Variants in ING3 observed in about 807,000 individuals in gnomAD.
ING3 encodes inhibitor of growth family member 3, also known as inhibitor of growth protein 3.
ING3 carries 6 observed loss-of-function variants against 64.8 expected under a neutral mutation model. The ratio of observed to expected loss-of-function variants is 0.09; its 90% CI spans 0.05 to 0.18. The LOEUF is 0.18. ING3 is among the 10% of genes least tolerant of loss of function. ING3 has a pLI of 1.00. For synonymous variants in ING3, 170 were observed against 173.7 expected (o/e 0.98, Z 0.17); for missense variants, 310 against 489.7 (o/e 0.63, Z 3.46).
At chr7:120,967,197 A>C (rs948696375) in intron 6 of ING3, among the ~76,000 whole-genome samples, 2 of 152,232 alleles carry the variant, frequency 1.3e-5, no homozygotes, top group African/African-American at 4.8e-5. Context: ...ATATCAGTAC[A>C]TCTTTTGACA....
At chr7:120,953,506 T>TTC (rs1407129648) in intron 3 of ING3, 102 bp downstream of exon 3, 1 of 688,574 alleles carries the variant, frequency 1.5e-6, no homozygotes, top group East Asian at 2.8e-5. Flanking sequence ...TGAGAGAATA[T>TTC]TATCAATGAC....
intron 8 of ING3, 141 bp downstream of exon 8, chr7:120,968,232 T>TA: frequency 1.3e-6 from 1 of 789,796 alleles, no homozygotes; most frequent in South Asian, 2.0e-5. Flanking sequence ...CGATATGTGA[T>TA]ATTTTATTTA....
chr7:120,972,977 T>C (rs1414809392), intron 10 of ING3, among the ~76,000 whole-genome samples: 2 of 152,178 alleles, frequency 1.3e-5, no homozygotes, highest in Non-Finnish European at 2.9e-5. Context: ...TGTCAAGTTC[T>C]TCCAGACTTC....
Position 120,950,820 on chromosome 7 carries a change from G to C in ING3, c.-77G>C. ...TGCTAGCGGAGGCGCCATATTGGAG[G>C]GGACAAAACTCCGGCGACAGCGAGT... is the stretch of plus-strand genomic sequence containing the variant. On this transcript the variant is annotated 5_prime_UTR_variant, in exon 1 of 12. Transcript: ENST00000315870. The C allele has an allele frequency of 6.7e-7, 1 of 1,489,874 alleles. No individual in the cohort carries two copies. Among genetic ancestry groups the C allele is most frequent in the East Asian group, 2.3e-5 (1 of 43,300 alleles). The allele number at this position is 1,489,874 out of a possible 1,614,324, so 92.3% of individuals were successfully genotyped here. A position where few individuals can be genotyped will look rare whatever the true frequency, so the allele number is the denominator to read the frequency against.
Position 120,975,087 on chromosome 7 carries a change from C to T in ING3, c.*243C>T, listed in dbSNP as rs1796117759. On this transcript the variant is annotated 3_prime_UTR_variant, in exon 12 of 12. Transcript: ENST00000315870. ...TATTCCAGTTAGCCTTGGATTATTT[C>T]AGTGGCCAACATATGCAGACATTTG... 4.1e-6 allele frequency: 1 copy of T among 243,544 alleles called. No homozygotes were observed. The highest frequency in any genetic ancestry group is 5.2e-5 in the Admixed American group (1 of 19,072). The allele number at this position is 243,544 out of a possible 1,614,324, so 15.1% of individuals were successfully genotyped here.
intron 4 of ING3, among the ~76,000 whole-genome samples, chr7:120,957,728 A>G (rs1490911109): frequency 2.0e-5 from 3 of 152,224 alleles, no homozygotes; most frequent in East Asian, 1.9e-4. Context: ...ATAGATTCCA[A>G]GGCTAAAGAG....
Position 120,976,045 on chromosome 7 carries a change from T to C in ING3, c.*1201T>C, listed in dbSNP as rs896866661. On this transcript the variant is annotated 3_prime_UTR_variant, in exon 12 of 12. Coordinates refer to ENST00000315870, the MANE Select transcript of ING3 (RefSeq NM_019071.3). Reference sequence around the variant, plus strand: ...TTTTTGATTCTACCACTTACTGATATGACAGTTAATTCAAATTTTGTATCA... The same window carrying C: ...TTTTTGATTCTACCACTTACTGATACGACAGTTAATTCAAATTTTGTATCA... 2 of 152,286 alleles carry C rather than the reference T, an allele frequency of 1.3e-5. No homozygotes were observed. Among genetic ancestry groups the C allele is most frequent in the East Asian group, 3.9e-4 (2 of 5,190 alleles). 9.4% of individuals were successfully genotyped at this position (152,286 alleles called of 1,614,324 possible). A position where few individuals can be genotyped will look rare whatever the true frequency, so the allele number is the denominator to read the frequency against.
intron 5 of ING3, among the ~76,000 whole-genome samples, chr7:120,965,564 G>A (rs1795986819): frequency 6.6e-6 from 1 of 152,052 alleles, no homozygotes; most frequent in Non-Finnish European, 1.5e-5. Context: ...TAATATTATG[G>A]CTAATTTCTA....
intron 2 of ING3, among the ~76,000 whole-genome samples, chr7:120,951,813 G>A (rs1795770545): frequency 6.6e-6 from 1 of 152,182 alleles, no homozygotes; most frequent in African/African-American, 2.4e-5. Flanking sequence ...AGTTTCTTAT[G>A]TGCTGTACTA....
At chr7:120,960,007 T>A (rs185048256) in intron 4 of ING3, among the ~76,000 whole-genome samples, 1 of 152,128 alleles carries the variant, frequency 6.6e-6, no homozygotes, top group East Asian at 1.9e-4. Context: ...AAATAAACAT[T>A]GTAGAAAGAG....
rs188912012 is a variant in ING3 at position 120,973,280 on chromosome 7, A to G, written c.1140+37A>G. On this transcript the variant is annotated intron_variant, in intron 11 of 11. Transcript: ENST00000315870. ...ATTTTTCTATTTAGGAATGAAAAAA[A>G]TCACAGGTTGTTATTACTTGAATAT... The G allele has an allele frequency of 5.2e-6, 7 of 1,344,432 alleles. No individual in the cohort carries two copies. The Admixed American group carries it at 1.0e-4, about 20-fold the overall frequency. 83.3% of individuals were successfully genotyped at this position (1,344,432 alleles called of 1,614,324 possible).
At chr7:120,955,133 GT>G (rs1291637706) in intron 3 of ING3, among the ~76,000 whole-genome samples, 4 of 151,630 alleles carry the variant, frequency 2.6e-5, no homozygotes, top group Non-Finnish European at 5.9e-5. Flanking sequence ...GTTTTGTTTT[GT>G]TTTTTGTTTT....
intron 4 of ING3, among the ~76,000 whole-genome samples, chr7:120,957,785 A>G (rs535896561): frequency 6.6e-6 from 1 of 152,250 alleles, no homozygotes; most frequent in Non-Finnish European, 1.5e-5. Context: ...CATAAGAAAT[A>G]CAACAGAAAG....
chr7:120,970,602 C>T, intron 9 of ING3, 86 bp from the exon 10 acceptor site: 1 of 1,318,912 alleles, frequency 7.6e-7, no homozygotes, highest in Non-Finnish European at 1.0e-6. Context: ...CATTTGATGT[C>T]ATTTCATTTT....
Position 120,969,008 on chromosome 7 carries a change from A to C in ING3, c.715-3A>C, listed in dbSNP as rs371610160. 6.3e-7 allele frequency: 1 copy of C among 1,598,220 alleles called. No individual in the cohort carries two copies. The highest frequency in any genetic ancestry group is 8.6e-7 in the Non-Finnish European group (1 of 1,168,046). ...TGATGCTATCAATGAATGTCTATTT[A>C]AGATGAAGGAGGGACGAAGAACATC... is the stretch of plus-strand genomic sequence containing the variant. On this transcript the variant is annotated splice_polypyrimidine_tract_variant and splice_region_variant and intron_variant, in intron 8 of 11. Transcript: ENST00000315870.
chr7:120,959,059 C>A (rs1795893855), intron 4 of ING3, among the ~76,000 whole-genome samples: 1 of 152,150 alleles, frequency 6.6e-6, no homozygotes, highest in Non-Finnish European at 1.5e-5. Context: ...CATTCTTGAC[C>A]TTGTATTACC....
intron 4 of ING3, among the ~76,000 whole-genome samples, chr7:120,964,395 T>C (rs1210903948): frequency 6.6e-6 from 1 of 152,150 alleles, no homozygotes; most frequent in African/African-American, 2.4e-5. Flanking sequence ...GGGCATATTA[T>C]GAAAAGTGAC....
intron 4 of ING3, chr7:120,956,580 C>G (rs995202550): frequency 5.0e-6 from 5 of 991,568 alleles, no homozygotes; most frequent in Non-Finnish European, 6.0e-6. Context: ...ATGGTGCTAA[C>G]AACCTGGGCT....
chr7:120,966,773 T>A, intron 6 of ING3, 76 bp downstream of exon 6: 1 of 1,036,522 alleles, frequency 9.6e-7, no homozygotes, highest in Non-Finnish European at 1.5e-6. Context: ...TCTCTTTTTT[T>A]AACTCTACAC....
Sources: allele counts gnomAD v4.1 joint callset (sites outside exome capture counted in the v4.1 genomes callset), GRCh38; gene constraint gnomAD v4.1.1; transcripts MANE v1.5; gene names NCBI Gene and HGNC (gene_info 2026-07-23, HGNC 2026-07-21).